The following TET2 variants were observed in gnomAD, a reference collection of about 807,000 sequenced individuals.
TET2 encodes the protein methylcytosine dioxygenase TET2.
A neutral mutation model predicts 142.9 loss-of-function variants in TET2; 299 were observed. The observed-to-expected ratio is 2.09, with a 90% CI of 1.90 to 2.30. The LOEUF is 2.30. Among genes scored for constraint, TET2 ranks in the 30% most tolerant of loss-of-function variants. TET2 has a pLI of 0.00. For missense variants in TET2, 2,418 were observed against 2,378.0 expected (o/e 1.02, Z -0.35); for synonymous variants, 819 against 849.0 (o/e 0.96, Z 0.61).
chr4:105,200,299 T>G (rs1158244988), intron 2 of TET2, among the ~76,000 whole-genome samples: 1 of 151,332 alleles, frequency 6.6e-6, no homozygotes, highest in Non-Finnish European at 1.5e-5. Flanking sequence ...TCAGTGATGT[T>G]GAGCTTTATT....
intron 2 of TET2, among the ~76,000 whole-genome samples, chr4:105,193,537 G>C (rs1725907445): frequency 6.6e-6 from 1 of 152,138 alleles, no homozygotes. Flanking sequence ...GGAGGCAGTA[G>C]TTGGAGTAAT....
intron 2 of TET2, among the ~76,000 whole-genome samples, chr4:105,215,257 A>C (rs1035837384): frequency 6.6e-6 from 1 of 152,190 alleles, no homozygotes; most frequent in African/African-American, 2.4e-5. Context: ...ATGCTACATG[A>C]GACCTTTTTA....
rs189331447 is a variant in TET2 at position 105,159,368 on chromosome 4, G to T, written c.-193+12389G>T. ...CCTCACCGGTTCAAGCGATTCTCCA[G>T]CCTCAGACACCCAAGTAGCTGGGAT... On this transcript the variant is annotated intron_variant, in intron 1 of 10. Transcript: ENST00000380013. 7.0e-4 allele frequency among the ~76,000 whole-genome samples: 106 copies of T among 150,726 alleles called. 2 individuals are homozygous for T. In the East Asian group the frequency reaches 0.02, roughly 28 times the overall value.
rs537941327 is a variant in TET2 at position 105,212,109 on chromosome 4, A to T, written c.-47+21604A>T. 7.6e-4 allele frequency among the ~76,000 whole-genome samples: 116 copies of T among 152,338 alleles called. No individual in the cohort carries two copies. In the Middle Eastern group the frequency reaches 0.01, roughly 13 times the overall value. On this transcript the variant is annotated intron_variant, in intron 2 of 10. Coordinates refer to ENST00000380013, the MANE Select transcript of TET2 (RefSeq NM_001127208.3). The stretch of plus-strand genomic sequence containing the variant: ...GCTTCAAGGGAAATTGAGTTTGAGG[A>T]TAAAGTAACTCTTCCCATGTCAGCA...
chr4:105,170,331 A>G (rs1385459899), intron 1 of TET2, among the ~76,000 whole-genome samples: 1 of 152,158 alleles, frequency 6.6e-6, no homozygotes, highest in African/African-American at 2.4e-5. Context: ...AGTTGCAGTG[A>G]ATGAAAATGG....
At chr4:105,242,966 G>A (rs1013946229) in intron 5 of TET2, 39 bp downstream of exon 5, 1 of 1,506,764 alleles carries the variant, frequency 6.6e-7, no homozygotes, top group Non-Finnish European at 9.0e-7. Context: ...CTTAAATCTT[G>A]GGCATTTTGA....
intron 1 of TET2, among the ~76,000 whole-genome samples, chr4:105,169,715 C>T (rs775084580): frequency 6.6e-5 from 10 of 152,236 alleles, no homozygotes; most frequent in Non-Finnish European, 8.8e-5. Flanking sequence ...AGTTTCAGCA[C>T]GTAGATTTAA....
intron 2 of TET2, among the ~76,000 whole-genome samples, chr4:105,224,613 G>A (rs375878753): frequency 6.6e-6 from 1 of 151,544 alleles, no homozygotes; most frequent in South Asian, 2.1e-4. Context: ...TTTCAACTGA[G>A]ATAAACATGC....
Position 105,169,621 on chromosome 4 carries a change from T to C in TET2, c.-192-20739T>C, listed in dbSNP as rs1320593415. Reference sequence around the variant, plus strand: ...TATTTATCTTTGTTTTTGTTGCATTTGCTTTTGGGTTCTTGGTCATGAAGT... The same window carrying C: ...TATTTATCTTTGTTTTTGTTGCATTCGCTTTTGGGTTCTTGGTCATGAAGT... On this transcript the variant is annotated intron_variant, in intron 1 of 10. Coordinates refer to ENST00000380013, the MANE Select transcript of TET2 (RefSeq NM_001127208.3). Among the ~76,000 whole-genome samples, 3 of 152,336 alleles carry C rather than the reference T, an allele frequency of 2.0e-5. No homozygotes were observed. In the East Asian group the frequency reaches 5.8e-4, roughly 29 times the overall value.
At chr4:105,176,088 C>A (rs1329036316) in intron 1 of TET2, among the ~76,000 whole-genome samples, 1 of 152,062 alleles carries the variant, frequency 6.6e-6, no homozygotes, top group African/African-American at 2.4e-5. Flanking sequence ...TAAAATGATA[C>A]AGGTTAGAAA....
At chr4:105,261,675 A>G (rs1471071567) in intron 7 of TET2, 84 bp from the exon 8 acceptor site, 12 of 745,260 alleles carry the variant, frequency 1.6e-5, no homozygotes, top group Non-Finnish European at 8.6e-6. Flanking sequence ...TCAAAATGTA[A>G]GGGGAATAAT....
At chr4:105,237,736 C>G in intron 3 of TET2, 1 of 1,208,204 alleles carries the variant, frequency 8.3e-7, no homozygotes, top group East Asian at 4.2e-5. Flanking sequence ...CATAGGCAGT[C>G]TAATGTACGA....
rs973363417 is a variant in TET2 at position 105,223,856 on chromosome 4, T to G, written c.-46-10041T>G. 2.0e-5 allele frequency among the ~76,000 whole-genome samples: 3 copies of G among 152,146 alleles called. No individual in the cohort carries two copies. The East Asian group carries it at 5.8e-4, about 29-fold the overall frequency. On this transcript the variant is annotated intron_variant, in intron 2 of 10. Transcript: ENST00000380013. ...GAGATACACAGTGATTCCCGTAAGT[T>G]TGATCCTGAAACACAGTGCCTTTAG...
chr4:105,191,361 A>G (rs1303750629), intron 2 of TET2, among the ~76,000 whole-genome samples: 1 of 152,178 alleles, frequency 6.6e-6, no homozygotes, highest in Non-Finnish European at 1.5e-5. Context: ...AGAAGTAGGG[A>G]ACTAATATAT....
chr4:105,207,791 T>G (rs1726917460), intron 2 of TET2, among the ~76,000 whole-genome samples: 1 of 152,166 alleles, frequency 6.6e-6, no homozygotes, highest in South Asian at 2.1e-4. Flanking sequence ...TCATATGTCC[T>G]ACAGACGATA....
chr4:105,251,164 A>C (rs1729852951), intron 6 of TET2, among the ~76,000 whole-genome samples: 1 of 152,020 alleles, frequency 6.6e-6, no homozygotes, highest in African/African-American at 2.4e-5. Flanking sequence ...TGCTGCATAC[A>C]AGATTATGTC....
intron 2 of TET2, among the ~76,000 whole-genome samples, chr4:105,200,150 A>C (rs1250464507): frequency 6.6e-6 from 1 of 152,164 alleles, no homozygotes; most frequent in African/African-American, 2.4e-5. Context: ...ACTAATTTAC[A>C]TTCCCACCAA....
chr4:105,194,907 A>G (rs1725991776), intron 2 of TET2, among the ~76,000 whole-genome samples: 1 of 152,146 alleles, frequency 6.6e-6, no homozygotes, highest in Non-Finnish European at 1.5e-5. Flanking sequence ...AACCACTCTT[A>G]TACATGGTGT....
At chr4:105,264,102 ATT>A (rs796297285) in intron 8 of TET2, among the ~76,000 whole-genome samples, 6 of 139,650 alleles carry the variant, frequency 4.3e-5, no homozygotes, top group Non-Finnish European at 4.7e-5. Flanking sequence ...CGTCCCAAAC[ATT>A]TTTTTTTTTT....
Sources: gnomAD v4.1 joint callset for allele counts (sites outside exome capture counted in the v4.1 genomes callset) on GRCh38, gnomAD v4.1.1 for gene constraint, MANE v1.5 for transcripts, NCBI Gene and HGNC (gene_info 2026-07-23, HGNC 2026-07-21) for gene names.